LIMS1: variants seen among roughly 807,000 people sequenced by gnomAD.
LIMS1 encodes the protein LIM and senescent cell antigen-like-containing domain protein 1.
LIMS1 carries 18 observed loss-of-function variants against 44.1 expected under a neutral mutation model. That is an observed-to-expected ratio of 0.41 (90% CI 0.28 to 0.61). The LOEUF is 0.61. LIMS1 is among the 20% of genes least tolerant of loss of function. The pLI is 0.32. For missense variants in LIMS1, 201 were observed against 422.0 expected (o/e 0.48, Z 4.59); for synonymous variants, 93 against 149.1 (o/e 0.62, Z 2.74).
chr2:108,605,200 G>A (rs1687210464), intron 1 of LIMS1, among the ~76,000 whole-genome samples: 1 of 152,184 alleles, frequency 6.6e-6, no homozygotes, highest in Non-Finnish European at 1.5e-5. Flanking sequence ...TTTAGGGGCA[G>A]CAATAGAACC....
At chr2:108,640,849 A>T (rs535460215) in intron 1 of LIMS1, among the ~76,000 whole-genome samples, 1 of 152,302 alleles carries the variant, frequency 6.6e-6, no homozygotes, top group East Asian at 1.9e-4. Context: ...TGTTAACATT[A>T]GTCACCCTAC....
chr2:108,603,038 G>A (rs1023012412), intron 1 of LIMS1, among the ~76,000 whole-genome samples: 3 of 152,112 alleles, frequency 2.0e-5, no homozygotes, highest in African/African-American at 7.2e-5. Flanking sequence ...TGCCTGCCTT[G>A]GCCTCCCAAA....
chr2:108,665,969 T>A (rs1291123809), intron 2 of LIMS1, among the ~76,000 whole-genome samples: 1 of 151,856 alleles, frequency 6.6e-6, no homozygotes. Flanking sequence ...ACACAAACCA[T>A]TTTCCCTCTG....
At chr2:108,543,320 C>A (rs950475135) in intron 1 of LIMS1, among the ~76,000 whole-genome samples, 16 of 152,110 alleles carry the variant, frequency 1.1e-4, no homozygotes, top group Non-Finnish European at 2.1e-4. Flanking sequence ...AGTCCTGTGG[C>A]AGGCTAGGTC....
chr2:108,551,088 C>A, intron 1 of LIMS1, among the ~76,000 whole-genome samples: 2 of 152,046 alleles, frequency 1.3e-5, no homozygotes, highest in Non-Finnish European at 2.9e-5. Flanking sequence ...GATTGCACCA[C>A]TGCACTCCAG....
intron 1 of LIMS1, among the ~76,000 whole-genome samples, chr2:108,545,467 T>C (rs1472695986): frequency 6.6e-6 from 1 of 152,186 alleles, no homozygotes; most frequent in Non-Finnish European, 1.5e-5. Context: ...ACTCCTGACC[T>C]CGGTGATCCA....
intron 1 of LIMS1, among the ~76,000 whole-genome samples, chr2:108,537,105 T>C (rs1684170005): frequency 6.6e-6 from 1 of 152,224 alleles, no homozygotes; most frequent in Non-Finnish European, 1.5e-5. Context: ...CGGCCCTCTT[T>C]AGTGCTAAGC....
At chr2:108,584,583 T>C (rs1408133649) in intron 1 of LIMS1, among the ~76,000 whole-genome samples, 3 of 151,994 alleles carry the variant, frequency 2.0e-5, no homozygotes, top group African/African-American at 7.3e-5. Flanking sequence ...AAACAGGAGC[T>C]CATAAAATGA....
At chr2:108,603,089 T>C (rs1026415176) in intron 1 of LIMS1, among the ~76,000 whole-genome samples, 14 of 152,070 alleles carry the variant, frequency 9.2e-5, no homozygotes, top group African/African-American at 3.1e-4. Flanking sequence ...CCTGACCAGG[T>C]TTTCTTTTTT....
At chr2:108,662,918 G>A in intron 2 of LIMS1, 1 of 196,458 alleles carries the variant, frequency 5.1e-6, no homozygotes, top group Non-Finnish European at 9.2e-6. Flanking sequence ...AATGGGGTCT[G>A]TGCACTCACT....
intron 1 of LIMS1, among the ~76,000 whole-genome samples, chr2:108,538,902 A>G (rs886937712): frequency 1.3e-5 from 2 of 152,150 alleles, no homozygotes; most frequent in Non-Finnish European, 2.9e-5. Context: ...TACTTCAACA[A>G]GCTGTCTTAG....
intron 1 of LIMS1, among the ~76,000 whole-genome samples, chr2:108,645,438 A>G (rs1274235844): frequency 1.3e-5 from 2 of 152,210 alleles, no homozygotes; most frequent in Admixed American, 1.3e-4. Flanking sequence ...CAGACAAGGA[A>G]ATGCTGAGAC....
At chr2:108,675,429 T>C (rs1046622715) in intron 5 of LIMS1, among the ~76,000 whole-genome samples, 8 of 132,192 alleles carry the variant, frequency 6.1e-5, no homozygotes, top group Non-Finnish European at 1.3e-4. Flanking sequence ...AGAGCCTTCA[T>C]GATGTAATCA....
At chr2:108,605,993 CA>C (rs1558805920) in intron 1 of LIMS1, among the ~76,000 whole-genome samples, 2 of 152,256 alleles carry the variant, frequency 1.3e-5, no homozygotes, top group African/African-American at 4.8e-5. Flanking sequence ...GGGGGCCAGG[CA>C]GCGTGGCCCT....
chr2:108,595,244 A>G (rs1182004136), intron 1 of LIMS1, among the ~76,000 whole-genome samples: 1 of 152,158 alleles, frequency 6.6e-6, no homozygotes, highest in African/African-American at 2.4e-5. Flanking sequence ...TCTACTAACC[A>G]TTAGGAGTGG....
At chr2:108,549,946 T>G (rs1684626820) in intron 1 of LIMS1, among the ~76,000 whole-genome samples, 1 of 152,186 alleles carries the variant, frequency 6.6e-6, no homozygotes, top group African/African-American at 2.4e-5. Flanking sequence ...GTGAGTAGAT[T>G]TTGGTAGCAT....
In LIMS1 at chr2:108,536,222, A is replaced by C. The variant is rs762219301; in HGVS notation, c.32+1628A>C. Among the ~76,000 whole-genome samples the C allele has an allele frequency of 4.2e-4, 64 of 152,216 alleles. 1 individual carries two copies. The highest frequency in any genetic ancestry group is 4.6e-4 in the Admixed American group (7 of 15,288). On this transcript the variant is annotated intron_variant, in intron 1 of 9. Coordinates refer to ENST00000544547, the Ensembl canonical transcript of LIMS1. ...TTTACTTTTTGGAGGGAGAGTAATAAGTTCATTCAAATTATTGTGCATCCG... is the reference window on the plus strand; with the variant it reads ...TTTACTTTTTGGAGGGAGAGTAATACGTTCATTCAAATTATTGTGCATCCG...
intron 1 of LIMS1, among the ~76,000 whole-genome samples, chr2:108,632,882 C>T (rs954670618): frequency 6.6e-6 from 1 of 152,136 alleles, no homozygotes; most frequent in Non-Finnish European, 1.5e-5. Flanking sequence ...GCAATCTGTA[C>T]CTGCATAGCA....
At chr2:108,535,118 G>C (rs1684083181) in intron 1 of LIMS1, among the ~76,000 whole-genome samples, 1 of 152,216 alleles carries the variant, frequency 6.6e-6, no homozygotes, top group South Asian at 2.1e-4. Context: ...TGGGACGACT[G>C]GCGTCCTTTA....
Sources: allele counts gnomAD v4.1 joint callset (sites outside exome capture counted in the v4.1 genomes callset), GRCh38; gene constraint gnomAD v4.1.1; transcripts MANE v1.5; gene names NCBI Gene and HGNC (gene_info 2026-07-23, HGNC 2026-07-21).